The following ADGRL1 variants were observed in gnomAD, a reference collection of about 807,000 sequenced individuals.
The protein encoded by ADGRL1 is adhesion G protein-coupled receptor L1, also known as CIRL-1.
In ADGRL1, 31 loss-of-function variants were observed where a neutral mutation model predicts 148.9. That is an observed-to-expected ratio of 0.21 (90% CI 0.16 to 0.28). ADGRL1 has a LOEUF of 0.28. Among genes scored for constraint, ADGRL1 ranks in the 10% least tolerant of loss-of-function variants. The pLI is 1.00. For missense variants in ADGRL1, 1,521 were observed against 2,058.8 expected, an observed-to-expected ratio of 0.74 and a Z score of 5.05; for synonymous variants, 937 against 900.3, an observed-to-expected ratio of 1.04 and a Z score of -0.73.
rs1314492365 is a variant in ADGRL1 at position 14,162,406 on chromosome 19, C to G, written c.1195+200G>C. Among the ~76,000 whole-genome samples, 1 of 152,186 alleles carries G rather than the reference C, an allele frequency of 6.6e-6. No homozygotes were observed. The highest frequency in any genetic ancestry group is 1.5e-5 in the Non-Finnish European group (1 of 68,040). Reference sequence around the variant, plus strand: ...CTGTAAAACAGGGCAGTAAGGATCCCTGTGTCATAGACCGTGAGGAGACGA... The same window carrying G: ...CTGTAAAACAGGGCAGTAAGGATCCGTGTGTCATAGACCGTGAGGAGACGA... On this transcript the variant is annotated intron_variant, in intron 5 of 22. Transcript: ENST00000361434. This position sits in a 1 kb window ranked among gnomAD's most constrained non-coding sequence, Gnocchi z 5.4.
Position 14,155,466 on chromosome 19 carries a change from G to A in ADGRL1, c.3187C>T (p.Leu1063Phe). The A allele has an allele frequency of 1.9e-6, 3 of 1,614,128 alleles. No individual in the cohort carries two copies. The highest frequency in any genetic ancestry group is 2.2e-5 in the South Asian group (2 of 91,084). ...FLLGLTWAFG[L>F]LFINKESVVM... is the part of the protein sequence containing the mutation. The stretch of plus-strand genomic sequence containing the variant: ...ACCGACTCCTTGTTGATGAAGAGGA[G>A]GCCGAAAGCCCAGGTGAGGCCCAGC... The change falls in exon 18 of 23, where the codon CTC becomes TTC. Residue 1063 changes from leucine to phenylalanine, a missense_variant. Physicochemically the swap from Leu to Phe is conservative, Grantham distance 22. This residue lies in a region of ADGRL1 where 185 missense variants were observed against 251.7 expected (regional missense o/e 0.74). Transcript: ENST00000361434. The surrounding 1 kb of genome is among the most constrained non-coding windows in gnomAD (Gnocchi z 5.0).
chr19:14,163,162 G>A lies in ADGRL1; in HGVS notation c.639C>T (p.Val213=). ...TGTTGTAGAAGACGGCACCATCGTA[G>A]ACCACAAAGCCTGTGCCATCCACGC... ...PNRVDGTGFV[V]YDGAVFYNKE... is the part of the protein sequence containing the mutation. The change falls in exon 5 of 23, where the codon GTC becomes GTT. Residue 213 remains valine (V), a synonymous_variant. Coordinates refer to ENST00000361434, the MANE Select transcript of ADGRL1 (RefSeq NM_014921.5). The A allele has an allele frequency of 6.2e-7, 1 of 1,613,930 alleles. No individual in the cohort carries two copies. The highest frequency in any genetic ancestry group is 8.5e-7 in the Non-Finnish European group (1 of 1,180,018).
intron 1 of ADGRL1, among the ~76,000 whole-genome samples, chr19:14,199,685 C>T (rs1253451967): frequency 1.3e-5 from 2 of 152,128 alleles, no homozygotes; most frequent in East Asian, 3.9e-4. Flanking sequence ...TCCCAAAGTG[C>T]TGGGATTACA....
chr19:14,188,181 C>A (rs767823695), intron 1 of ADGRL1, among the ~76,000 whole-genome samples: 4 of 152,136 alleles, frequency 2.6e-5, no homozygotes, highest in Non-Finnish European at 5.9e-5. Context: ...GGTCTAGATC[C>A]CAATTTTGCC....
At chr19:14,188,688 G>A (rs576822115) in intron 1 of ADGRL1, among the ~76,000 whole-genome samples, 24 of 152,308 alleles carry the variant, frequency 1.6e-4, no homozygotes, top group African/African-American at 5.8e-4. Context: ...TGCCCCTCTA[G>A]TCCTGGGCCC....
intron 1 of ADGRL1, among the ~76,000 whole-genome samples, chr19:14,204,345 C>T (rs1972816391): frequency 6.6e-6 from 1 of 151,968 alleles, no homozygotes; most frequent in African/African-American, 2.4e-5. Context: ...AGTCCCCTGC[C>T]GGGGGCAGAC....
chr19:14,176,052 T>G lies in ADGRL1; in HGVS notation c.284+1479A>C, dbSNP rs944071503. 2.1e-5 allele frequency among the ~76,000 whole-genome samples: 3 copies of G among 145,798 alleles called. No homozygotes were observed. In the East Asian group the frequency reaches 6.2e-4, roughly 30 times the overall value. On this transcript the variant is annotated intron_variant, in intron 3 of 22. Coordinates refer to ENST00000361434, the MANE Select transcript of ADGRL1 (RefSeq NM_014921.5). ...CTGGGCGACAGAGCAAGATTCTGTC[T>G]CAAAAATAAACAAAACAGGCCGGGC... is the stretch of plus-strand genomic sequence containing the variant.
intron 1 of ADGRL1, among the ~76,000 whole-genome samples, chr19:14,185,268 A>T (rs1971511591): frequency 6.6e-6 from 1 of 152,136 alleles, no homozygotes; most frequent in Admixed American, 6.5e-5. Context: ...CTTGCCAGGA[A>T]CTTGGTAGAA....
chr19:14,160,416 T>A lies in ADGRL1; in HGVS notation c.1615-119A>T. The A allele has an allele frequency of 9.7e-7, 1 of 1,029,606 alleles. No individual in the cohort carries two copies. The highest frequency in any genetic ancestry group is 1.4e-6 in the Non-Finnish European group (1 of 716,140). The allele number at this position is 1,029,606 out of a possible 1,614,324, so 63.8% of individuals were successfully genotyped here. A position where few individuals can be genotyped will look rare whatever the true frequency, so the allele number is the denominator to read the frequency against. ...CTCTCTCTCCACTTCCCCATCGCCA[T>A]CTGCCCCTTCCCACCCCATCTGTCC... On this transcript the variant is annotated intron_variant, in intron 7 of 22. Coordinates refer to ENST00000361434, the MANE Select transcript of ADGRL1 (RefSeq NM_014921.5). The surrounding 1 kb of genome is among the most constrained non-coding windows in gnomAD (Gnocchi z 5.9).
At chr19:14,194,160 T>C (rs1972115942) in intron 1 of ADGRL1, among the ~76,000 whole-genome samples, 1 of 152,166 alleles carries the variant, frequency 6.6e-6, no homozygotes, top group African/African-American at 2.4e-5. Flanking sequence ...TGCAGTGACC[T>C]GTGATCGCAC....
chr19:14,167,037 T>TA (rs1481306407), intron 4 of ADGRL1: 2 of 1,609,750 alleles, frequency 1.2e-6, no homozygotes, highest in African/African-American at 1.3e-5. Context: ...ACTTCTACTT[T>TA]AAGCATCGGA....
rs1014231295 is a variant in ADGRL1, at chr19:14,177,709, G to A, written c.106C>T (p.Arg36Cys). The change falls in exon 3 of 23, where the codon CGC becomes TGC. Residue 36 changes from arginine to cysteine, a missense_variant. Arg to Cys is a radical substitution (Grantham distance 180). Coordinates refer to ENST00000361434, the MANE Select transcript of ADGRL1 (RefSeq NM_014921.5). ...SRAGLPFGLMRRELACEGYPI... is the reference protein window; with the variant it reads ...SRAGLPFGLMCRELACEGYPI... ...TAGCCTTCACACGCCAGCTCCCGGC[G>A]CATCAGCCCGAACGGGAGCCCGGCC... is the stretch of plus-strand genomic sequence containing the variant. 1.9e-6 allele frequency: 3 copies of A among 1,613,552 alleles called. No individual in the cohort carries two copies. The highest frequency in any genetic ancestry group is 2.5e-6 in the Non-Finnish European group (3 of 1,179,968).
At chr19:14,182,351 C>A (rs1465543308) in intron 2 of ADGRL1, among the ~76,000 whole-genome samples, 3 of 152,176 alleles carry the variant, frequency 2.0e-5, no homozygotes, top group African/African-American at 7.2e-5. Flanking sequence ...CCAGCCAGGC[C>A]CTGCGGGGTG....
In ADGRL1 at chr19:14,162,670, G is replaced by A. The variant is rs575320202; in HGVS notation, c.1131C>T (p.Tyr377=). The change falls in exon 5 of 23, where the codon TAC becomes TAT. Residue 377 remains tyrosine (Y), a synonymous_variant. Transcript: ENST00000361434. The surrounding 1 kb of genome is among the most constrained non-coding windows in gnomAD (Gnocchi z 5.4). ...VDYNPRDNQL[Y]VWNNYFVVRY... is the part of the protein sequence containing the mutation. ...GCACCACGAAATAGTTGTTCCAGACGTACAGCTGGTTGTCGCGAGGGTTGT... is the reference window on the plus strand; with the variant it reads ...GCACCACGAAATAGTTGTTCCAGACATACAGCTGGTTGTCGCGAGGGTTGT... 1.4e-4 allele frequency: 223 copies of A among 1,614,068 alleles called. 3 individuals are homozygous for A. In the South Asian group the frequency reaches 2.2e-3, roughly 16 times the overall value.
At position 14,152,028 on chromosome 19, in the gene ADGRL1, G is replaced by A; in HGVS notation, c.3667+105C>T. 6.8e-6 allele frequency: 7 copies of A among 1,027,880 alleles called. 1 individual carries two copies. Among genetic ancestry groups the A allele is most frequent in the African/African-American group, 1.6e-5 (1 of 63,672 alleles). The allele number at this position is 1,027,880 out of a possible 1,614,324, so 63.7% of individuals were successfully genotyped here. A position where few individuals can be genotyped will look rare whatever the true frequency, so the allele number is the denominator to read the frequency against. On this transcript the variant is annotated intron_variant, in intron 22 of 22. Coordinates refer to ENST00000361434, the MANE Select transcript of ADGRL1 (RefSeq NM_014921.5). The surrounding 1 kb of genome is among the most constrained non-coding windows in gnomAD (Gnocchi z 6.1). ...TCGGGGGGTGGGGAAATGTGGGCAT[G>A]GGGAGGCATCCCGAGTTCTCCTCCT... is the stretch of plus-strand genomic sequence containing the variant.
chr19:14,177,789 G>A, intron 2 of ADGRL1, 45 bp from the exon 3 acceptor site: 1 of 1,558,100 alleles, frequency 6.4e-7, no homozygotes, highest in African/African-American at 1.3e-5. Context: ...GCCTGGGCCA[G>A]GAAGGGAAGA....
At chr19:14,186,170 C>T (rs1445574966) in intron 1 of ADGRL1, among the ~76,000 whole-genome samples, 1 of 152,152 alleles carries the variant, frequency 6.6e-6, no homozygotes, top group Admixed American at 6.6e-5. Flanking sequence ...GTGATCCTCC[C>T]GCCTCGGCCT....
chr19:14,194,864 T>C (rs965336386), intron 1 of ADGRL1, among the ~76,000 whole-genome samples: 1 of 151,470 alleles, frequency 6.6e-6, no homozygotes, highest in African/African-American at 2.4e-5. Flanking sequence ...TTCTTTTTTC[T>C]TTCCTTCTTT....
intron 1 of ADGRL1, among the ~76,000 whole-genome samples, chr19:14,187,663 C>CT (rs1174302238): frequency 2.6e-5 from 4 of 151,326 alleles, no homozygotes; most frequent in East Asian, 2.0e-4. Context: ...CAGCGTGTTA[C>CT]CCCGCCGCCG....
Sources: gnomAD v4.1 joint callset for allele counts (sites outside exome capture counted in the v4.1 genomes callset) on GRCh38, gnomAD v4.1.1 for gene constraint, gnomAD v4.1.1 regional missense constraint, Gnocchi (gnomAD v3.1) non-coding constraint, MANE v1.5 for transcripts, NCBI Gene and HGNC (gene_info 2026-07-23, HGNC 2026-07-21) for gene names.